The following RAD51B variants were observed in gnomAD, a reference collection of about 807,000 sequenced individuals.
RAD51B encodes the protein RAD51 paralog B, also known as DNA repair protein RAD51 homolog 2.
Under a neutral mutation model 42.2 loss-of-function variants are expected in RAD51B, and 38 were observed. The ratio of observed to expected loss-of-function variants is 0.90; its 90% CI spans 0.70 to 1.18. The LOEUF is 1.18. RAD51B is among the 50% of genes most tolerant of loss of function. The pLI is 0.00. For missense variants in RAD51B, 373 were observed against 400.7 expected, an observed-to-expected ratio of 0.93 and a Z score of 0.59; for synonymous variants, 154 against 145.2, an observed-to-expected ratio of 1.06 and a Z score of -0.43.
chr14:68,137,923 A>G (rs1017254383), intron 7 of RAD51B, among the ~76,000 whole-genome samples: 1 of 152,210 alleles, frequency 6.6e-6, no homozygotes, highest in East Asian at 1.9e-4. Context: ...AGACATGGGC[A>G]TGACATCACC....
chr14:68,601,949 T>G (rs1891236002), intron 10 of RAD51B, among the ~76,000 whole-genome samples: 1 of 152,086 alleles, frequency 6.6e-6, no homozygotes, highest in African/African-American at 2.4e-5. Context: ...TCTTCACCAT[T>G]CTCATGGGCC....
chr14:67,986,266 G>T (rs2075191071), intron 7 of RAD51B, among the ~76,000 whole-genome samples: 1 of 152,158 alleles, frequency 6.6e-6, no homozygotes, highest in Non-Finnish European at 1.5e-5. Context: ...ATATCCCATG[G>T]GTTAAGGAGA....
chr14:67,839,267 C>T (rs1243270323), intron 4 of RAD51B, among the ~76,000 whole-genome samples: 1 of 151,874 alleles, frequency 6.6e-6, no homozygotes, highest in African/African-American at 2.4e-5. Context: ...TTATTTGTTC[C>T]TTGAAGATTT....
chr14:68,014,747 G>A (rs1045029136), intron 7 of RAD51B, among the ~76,000 whole-genome samples: 5 of 149,116 alleles, frequency 3.4e-5, no homozygotes, highest in Non-Finnish European at 7.4e-5. Flanking sequence ...ATAGAGACCT[G>A]TACTATTCTG....
intron 5 of RAD51B, among the ~76,000 whole-genome samples, chr14:67,868,938 A>G (rs1282918882): frequency 4.6e-5 from 7 of 151,030 alleles, no homozygotes; most frequent in Non-Finnish European, 1.0e-4. Flanking sequence ...CCATCTGTAC[A>G]TCACCATCAT....
At chr14:68,156,455 T>TTCTCTCTCTCTCTCTCTCTCTCTCTC (rs10650896) in intron 7 of RAD51B, among the ~76,000 whole-genome samples, 2 of 114,342 alleles carry the variant, frequency 1.7e-5, no homozygotes, top group East Asian at 2.8e-4. Context: ...CTTAGAAAAT[T>TTCTCTCTCTCTCTCTCTCTCTCTCTC]TCTCTCTCTC....
intron 7 of RAD51B, among the ~76,000 whole-genome samples, chr14:68,173,733 C>G (rs2078914880): frequency 6.6e-6 from 1 of 152,230 alleles, no homozygotes; most frequent in South Asian, 2.1e-4. Flanking sequence ...TTCCTGGCTT[C>G]TTTCCTTGGG....
At chr14:67,852,598 C>T (rs1331153061) in intron 4 of RAD51B, among the ~76,000 whole-genome samples, 1 of 152,114 alleles carries the variant, frequency 6.6e-6, no homozygotes, top group Non-Finnish European at 1.5e-5. Flanking sequence ...TAAGACAAAG[C>T]CTTGGAAGTT....
chr14:68,233,927 T>A (rs191457023), intron 7 of RAD51B, among the ~76,000 whole-genome samples: 45 of 152,326 alleles, frequency 3.0e-4, no homozygotes, highest in African/African-American at 1.1e-3. Context: ...ATCCTGTAAG[T>A]AATAGAAGGG....
rs17104753 is a variant in RAD51B, at chr14:67,892,098, A to G, written c.756+4894A>G. Among the ~76,000 whole-genome samples, 1,131 of 152,266 alleles carry G rather than the reference A, an allele frequency of 7.4e-3. 12 individuals carry two copies. The highest frequency in any genetic ancestry group is 0.026 in the African/African-American group (1,096 of 41,540). On this transcript the variant is annotated intron_variant, in intron 7 of 10. Transcript: ENST00000471583. ...TATTACTTTCATATTTTTACTGAAA[A>G]CAAGCACCACAGGACTTCTGAGGTA...
intron 7 of RAD51B, among the ~76,000 whole-genome samples, chr14:68,080,869 C>T (rs2076902426): frequency 6.6e-6 from 1 of 152,084 alleles, no homozygotes; most frequent in African/African-American, 2.4e-5. Context: ...TAAATTTCAA[C>T]ATAAGAAAAA....
chr14:67,962,584 G>A (rs1225262196), intron 7 of RAD51B, among the ~76,000 whole-genome samples: 8 of 152,130 alleles, frequency 5.3e-5, no homozygotes, highest in Non-Finnish European at 1.2e-4. Context: ...TACGGCCCAA[G>A]AACAGTGTAC....
intron 7 of RAD51B, among the ~76,000 whole-genome samples, chr14:68,096,117 AT>A (rs1295445058): frequency 2.0e-5 from 3 of 151,852 alleles, no homozygotes; most frequent in African/African-American, 7.3e-5. Flanking sequence ...ACTATCCTAT[AT>A]TTTTCATGGA....
intron 10 of RAD51B, among the ~76,000 whole-genome samples, chr14:68,591,183 G>A (rs1890723412): frequency 6.6e-6 from 1 of 152,218 alleles, no homozygotes; most frequent in Non-Finnish European, 1.5e-5. Flanking sequence ...GACAGCAACA[G>A]GAGAGTGAGT....
At chr14:68,610,090 C>T (rs557867840) in intron 10 of RAD51B, among the ~76,000 whole-genome samples, 18 of 152,276 alleles carry the variant, frequency 1.2e-4, no homozygotes, top group African/African-American at 3.9e-4. Flanking sequence ...CTCTGCTGGC[C>T]GTCTCTGCTT....
At chr14:68,231,859 A>C (rs1354097939) in intron 7 of RAD51B, among the ~76,000 whole-genome samples, 2 of 152,232 alleles carry the variant, frequency 1.3e-5, no homozygotes, top group South Asian at 4.1e-4. Context: ...ATAAACAATC[A>C]TCAGGCATGA....
At chr14:68,065,191 A>G (rs2076630143) in intron 7 of RAD51B, among the ~76,000 whole-genome samples, 1 of 152,130 alleles carries the variant, frequency 6.6e-6, no homozygotes, top group Admixed American at 6.6e-5. Context: ...AAGGGGTAGC[A>G]TAGTGTAGTC....
At chr14:68,503,201 G>A (rs2140300876) in intron 10 of RAD51B, among the ~76,000 whole-genome samples, 1 of 152,370 alleles carries the variant, frequency 6.6e-6, no homozygotes, top group South Asian at 2.1e-4. Flanking sequence ...TTTGGAGGGA[G>A]GGTGGAGGGC....
intron 7 of RAD51B, among the ~76,000 whole-genome samples, chr14:68,106,558 T>A (rs2077380265): frequency 6.6e-6 from 1 of 151,922 alleles, no homozygotes; most frequent in Non-Finnish European, 1.5e-5. Flanking sequence ...CACATTGGAG[T>A]TGTTAAAGTT....
Sources: allele counts gnomAD v4.1 joint callset (sites outside exome capture counted in the v4.1 genomes callset), GRCh38; gene constraint gnomAD v4.1.1; transcripts MANE v1.5; gene names NCBI Gene and HGNC (gene_info 2026-07-23, HGNC 2026-07-21).